UFC1: variants seen among roughly 807,000 people sequenced by gnomAD.
UFC1 encodes ubiquitin-fold modifier-conjugating enzyme 1.
A neutral mutation model predicts 28.0 loss-of-function variants in UFC1; 22 were observed. The ratio of observed to expected loss-of-function variants is 0.78; its 90% CI spans 0.56 to 1.12. The LOEUF (loss-of-function observed/expected upper bound fraction) is 1.12. UFC1 is among the 50% of genes most tolerant of loss of function. The pLI is 0.00. For synonymous variants in UFC1, 61 were observed against 74.5 expected (o/e 0.82, Z 0.93); for missense variants, 189 against 207.8 (o/e 0.91, Z 0.56).
At chr1:161,157,461 A>G (rs1220545408) in intron 3 of UFC1, 144 bp downstream of exon 3, 4 of 1,276,628 alleles carry the variant, frequency 3.1e-6, no homozygotes, top group Non-Finnish European at 4.5e-6. Flanking sequence ...AGCATAAGTT[A>G]TATTTACTCA....
chr1:161,154,313 G>A (rs1657447094), intron 1 of UFC1, among the ~76,000 whole-genome samples, 193 bp downstream of exon 1: 1 of 152,128 alleles, frequency 6.6e-6, no homozygotes, highest in Admixed American at 6.6e-5. Context: ...CTCGGGTGAG[G>A]TGCACAGTGG....
intron 4 of UFC1, 56 bp downstream of exon 4, chr1:161,157,749 G>A (rs922737067): frequency 1.0e-5 from 15 of 1,458,438 alleles, no homozygotes; most frequent in South Asian, 2.3e-5. Flanking sequence ...GAAGAACTTC[G>A]TGGCGGGAGG....
chr1:161,155,115 G>A (rs1338896826), intron 1 of UFC1, among the ~76,000 whole-genome samples: 12 of 152,218 alleles, frequency 7.9e-5, no homozygotes, highest in Non-Finnish European at 1.3e-4. Context: ...TAAGTGGAGA[G>A]AGACTGAGAC....
In UFC1 at chr1:161,157,029, C is replaced by T. The variant is rs772108711; in HGVS notation, c.191+12C>T. The T allele has an allele frequency of 1.2e-5, 20 of 1,613,602 alleles. No individual in the cohort carries two copies. Among genetic ancestry groups the T allele is most frequent in the Non-Finnish European group, 1.7e-5 (20 of 1,179,624 alleles). On this transcript the variant is annotated intron_variant, in intron 2 of 5. Transcript: ENST00000368003. ...AAGGAAGGAACTCGGTAGGTAGACCCTCTTGGGAGGTGTGGGGTGGGAGTC... is the reference window on the plus strand; with the variant it reads ...AAGGAAGGAACTCGGTAGGTAGACCTTCTTGGGAGGTGTGGGGTGGGAGTC...
intron 5 of UFC1, 85 bp downstream of exon 5, chr1:161,158,296 A>G (rs887015716): frequency 7.0e-6 from 11 of 1,571,460 alleles, no homozygotes; most frequent in South Asian, 1.1e-5. Context: ...AATAAAAGGA[A>G]TAACAGTGAT....
At chr1:161,156,685 T>G (rs1228098672) in intron 1 of UFC1, among the ~76,000 whole-genome samples, 2 of 149,728 alleles carry the variant, frequency 1.3e-5, no homozygotes, top group Non-Finnish European at 3.0e-5. Flanking sequence ...CTACTAAAAA[T>G]ACAAAAATTA....
chr1:161,156,557 A>G (rs1186949601), intron 1 of UFC1, among the ~76,000 whole-genome samples: 4 of 137,064 alleles, frequency 2.9e-5, no homozygotes, highest in Non-Finnish European at 6.3e-5. Context: ...AAAAAAAAAA[A>G]CCGGCTGGGT....
chr1:161,156,998 T>C lies in UFC1; in HGVS notation c.172T>C (p.Ser58Pro), dbSNP rs767625014. Residue 58 changes from serine to proline, a missense_variant, in exon 2 of 6, where the codon TCC (serine) becomes CCC (proline). Transcript: ENST00000368003. The stretch of plus-strand genomic sequence containing the variant: ...TGACAACGATTGGTTCCGACTGGAG[T>C]CCAACAAGGAAGGAACTCGGTAGGT... ...NADNDWFRLE[S>P]NKEGTRWFGK... 1 of 1,613,988 alleles carries C rather than the reference T, an allele frequency of 6.2e-7. No homozygotes were observed. The highest frequency in any genetic ancestry group is 8.5e-7 in the Non-Finnish European group (1 of 1,179,982).
intron 2 of UFC1, 89 bp from the exon 3 acceptor site, chr1:161,157,165 G>A: frequency 6.4e-7 from 1 of 1,564,920 alleles, no homozygotes; most frequent in Non-Finnish European, 8.8e-7. Flanking sequence ...CCCATCCTAT[G>A]AGTCTCCCAG....
intron 4 of UFC1, 42 bp from the exon 5 acceptor site, chr1:161,158,079 T>C (rs1484245955): frequency 3.2e-6 from 5 of 1,559,832 alleles, no homozygotes; most frequent in Non-Finnish European, 4.4e-6. Context: ...TGCTTTATGG[T>C]AAACTTTGCA....
chr1:161,156,091 A>G (rs1657496123), intron 1 of UFC1, among the ~76,000 whole-genome samples: 1 of 152,202 alleles, frequency 6.6e-6, no homozygotes, highest in African/African-American at 2.4e-5. Context: ...GAGAAGTGAG[A>G]GGAGAATCCA....
intron 1 of UFC1, among the ~76,000 whole-genome samples, chr1:161,154,393 C>T (rs1315946603): frequency 1.3e-5 from 2 of 152,166 alleles, no homozygotes; most frequent in South Asian, 2.1e-4. Context: ...ACGTGTCTCC[C>T]TGGCTACAGG....
At chr1:161,154,587 C>T (rs556238193) in intron 1 of UFC1, among the ~76,000 whole-genome samples, 2 of 152,090 alleles carry the variant, frequency 1.3e-5, no homozygotes, top group Admixed American at 6.6e-5. Flanking sequence ...CGGGTTCAAG[C>T]GAGTCTCCTG....
intron 5 of UFC1, 86 bp downstream of exon 5, chr1:161,158,297 TAACAGTG>T: frequency 6.4e-7 from 1 of 1,569,982 alleles, no homozygotes; most frequent in Non-Finnish European, 8.8e-7. Flanking sequence ...ATAAAAGGAA[TAACAGTG>T]ATGTCCCTTA....
At position 161,155,730 on chromosome 1, in the gene UFC1, A is replaced by G. The variant is rs563576830; in HGVS notation, c.124-1220A>G. ...AACATGGATTAGTGTAGTAAGGGAT[A>G]GGGAGGGTCAAAGATGATTCCCAGG... On this transcript the variant is annotated intron_variant, in intron 1 of 5. Coordinates refer to ENST00000368003, the MANE Select transcript of UFC1 (RefSeq NM_016406.4). 4.6e-5 allele frequency among the ~76,000 whole-genome samples: 7 copies of G among 152,338 alleles called. No individual in the cohort carries two copies. In the East Asian group the frequency reaches 1.3e-3, roughly 29 times the overall value.
intron 1 of UFC1, among the ~76,000 whole-genome samples, chr1:161,156,487 C>T (rs1232323304): frequency 1.4e-5 from 2 of 144,264 alleles, no homozygotes; most frequent in African/African-American, 2.6e-5. Context: ...TGCAGTGAGC[C>T]GAGATTGCGC....
At position 161,158,764 on chromosome 1, in the gene UFC1, G is replaced by C; in HGVS notation, c.*272G>C. The C allele has an allele frequency of 2.2e-6, 1 of 461,920 alleles. No individual in the cohort carries two copies. Among genetic ancestry groups the C allele is most frequent in the Non-Finnish European group, 4.0e-6 (1 of 250,788 alleles). The allele number at this position is 461,920 out of a possible 1,614,324, so 28.6% of individuals were successfully genotyped here. On this transcript the variant is annotated 3_prime_UTR_variant, in exon 6 of 6. Coordinates refer to ENST00000368003, the MANE Select transcript of UFC1 (RefSeq NM_016406.4). The stretch of plus-strand genomic sequence containing the variant: ...TCCGCCCCCAGGTGGAGCAACATGC[G>C]ATTCTGGAGGCACGGGGGTAACTGA...
intron 1 of UFC1, among the ~76,000 whole-genome samples, chr1:161,154,527 T>C (rs1303030653): frequency 6.6e-6 from 1 of 152,124 alleles, no homozygotes; most frequent in African/African-American, 2.4e-5. Flanking sequence ...GCTCTGTTGC[T>C]AGGCTGGAGT....
At chr1:161,154,997 C>T (rs918996347) in intron 1 of UFC1, among the ~76,000 whole-genome samples, 1 of 150,484 alleles carries the variant, frequency 6.6e-6, no homozygotes, top group Admixed American at 6.6e-5. Context: ...TATTCATTCA[C>T]TAAAAAAAAA....
Sources: allele counts gnomAD v4.1 joint callset (sites outside exome capture counted in the v4.1 genomes callset), GRCh38; gene constraint gnomAD v4.1.1; transcripts MANE v1.5; gene names NCBI Gene and HGNC (gene_info 2026-07-23, HGNC 2026-07-21).